The following FAT3 variants were observed in gnomAD, a reference collection of about 807,000 sequenced individuals.
The protein encoded by FAT3 is protocadherin Fat 3.
A neutral mutation model predicts 310.2 loss-of-function variants in FAT3; 95 were observed. The observed-to-expected ratio is 0.31, with a 90% CI of 0.26 to 0.36. The LOEUF (loss-of-function observed/expected upper bound fraction) is 0.36, where lower values mean the gene tolerates loss of function less well. FAT3 is among the 10% of genes least tolerant of loss of function. The probability of loss-of-function intolerance (pLI) is 1.00; values close to 1 mark genes in which losing one functional copy is unlikely to be tolerated. For missense variants in FAT3, 5,408 were observed against 5,715.6 expected (o/e 0.95, Z 1.74); for synonymous variants, 2,314 against 2,192.9 (o/e 1.06, Z -1.54).
At chr11:92,682,103 G>A (rs1324052083) in intron 3 of FAT3, among the ~76,000 whole-genome samples, 1 of 152,178 alleles carries the variant, frequency 6.6e-6, no homozygotes, top group Non-Finnish European at 1.5e-5. Flanking sequence ...GACAACTTGA[G>A]TTTCAAATCT....
chr11:92,603,029 G>C (rs1353817186), intron 3 of FAT3, among the ~76,000 whole-genome samples: 2 of 152,168 alleles, frequency 1.3e-5, no homozygotes, highest in African/African-American at 4.8e-5. Flanking sequence ...ATTACTTTCA[G>C]TATGCATACT....
At chr11:92,633,558 T>C (rs1941641014) in intron 3 of FAT3, among the ~76,000 whole-genome samples, 2 of 152,268 alleles carry the variant, frequency 1.3e-5, no homozygotes, top group East Asian at 3.9e-4. Context: ...TTCAGAGGAC[T>C]GACACGGGGA....
chr11:92,404,030 G>A (rs1005464272), intron 2 of FAT3, among the ~76,000 whole-genome samples: 5 of 151,390 alleles, frequency 3.3e-5, no homozygotes, highest in African/African-American at 1.2e-4. Flanking sequence ...ACAAGAGTCC[G>A]TCAAGAAAAA....
chr11:92,827,296 C>T (rs1461913211), intron 13 of FAT3, among the ~76,000 whole-genome samples: 1 of 152,194 alleles, frequency 6.6e-6, no homozygotes, highest in Non-Finnish European at 1.5e-5. Context: ...TTTGTTGATT[C>T]TGGCCCACTT....
chr11:92,848,074 G>A (rs905380185), intron 19 of FAT3, among the ~76,000 whole-genome samples: 1 of 152,072 alleles, frequency 6.6e-6, no homozygotes, highest in Admixed American at 6.5e-5. Context: ...GATAAATAGA[G>A]GTAACTGTCC....
intron 4 of FAT3, among the ~76,000 whole-genome samples, chr11:92,727,933 T>G (rs1404154611): frequency 1.3e-5 from 2 of 152,202 alleles, no homozygotes; most frequent in South Asian, 2.1e-4. Context: ...TTCTTACACT[T>G]CTTTGTTGCT....
rs771982886 is a variant in FAT3 at position 92,483,906 on chromosome 11, A to G, written c.3293-40728A>G. 9.0e-4 allele frequency among the ~76,000 whole-genome samples: 137 copies of G among 152,338 alleles called. No individual in the cohort carries two copies. The Middle Eastern group carries it at 0.01, about 11-fold the overall frequency. On this transcript the variant is annotated intron_variant, in intron 2 of 27. Transcript: ENST00000525166. ...CTTGCTCAGTCACTGGTAGAACTCA[A>G]GTTGCAATTACCAGGTCTGCCATAA...
At chr11:92,464,646 T>C (rs755304066) in intron 2 of FAT3, among the ~76,000 whole-genome samples, 13 of 152,190 alleles carry the variant, frequency 8.5e-5, no homozygotes, top group Non-Finnish European at 1.6e-4. Context: ...ATTAACTAGT[T>C]ATGCCAAAGT....
intron 12 of FAT3, among the ~76,000 whole-genome samples, chr11:92,808,858 A>C (rs1187657051): frequency 6.6e-6 from 1 of 152,056 alleles, no homozygotes; most frequent in Non-Finnish European, 1.5e-5. Context: ...CCCAGGAGGC[A>C]GAGCTTGCAG....
intron 2 of FAT3, among the ~76,000 whole-genome samples, chr11:92,446,573 C>T (rs147298173): frequency 6.6e-6 from 1 of 152,054 alleles, no homozygotes; most frequent in African/African-American, 2.4e-5. Context: ...AAAACCACAA[C>T]TTATGAAATA....
intron 3 of FAT3, among the ~76,000 whole-genome samples, chr11:92,684,144 A>C (rs569865648): frequency 1.3e-5 from 2 of 152,346 alleles, no homozygotes; most frequent in East Asian, 3.9e-4. Context: ...GTGCGAACAA[A>C]GAAGATGAAA....
chr11:92,354,649 T>A lies in FAT3; in HGVS notation c.2537T>A (p.Ile846Asn), dbSNP rs781399396. The change falls in exon 2 of 28, where the codon ATT (isoleucine) becomes AAT (asparagine). Residue 846 changes from isoleucine to asparagine, a missense_variant. Physicochemically the swap from Ile to Asn is moderately radical, Grantham distance 149. Coordinates refer to ENST00000525166, the MANE Select transcript of FAT3 (RefSeq NM_001367949.2). Reference sequence around the variant, plus strand: ...GTTAACATTCTTGAAAGTTCAGGCATTGGTACTGAAATCATTCAAGTGGAA... The same window carrying A: ...GTTAACATTCTTGAAAGTTCAGGCAATGGTACTGAAATCATTCAAGTGGAA... ...YSVNILESSG[I>N]GTEIIQVEAR... The A allele has an allele frequency of 4.3e-6, 7 of 1,613,816 alleles. No homozygotes were observed. Among genetic ancestry groups the A allele is most frequent in the Non-Finnish European group, 5.1e-6 (6 of 1,179,856 alleles).
chr11:92,339,198 G>T (rs1000694), intron 1 of FAT3, among the ~76,000 whole-genome samples: 1,917 of 152,182 alleles, frequency 0.013, 35 homozygotes, highest in African/African-American at 0.045. Context: ...GGCTGTCCTG[G>T]GTAGGACATT....
At chr11:92,226,672 C>A (rs1252697487) in intron 1 of FAT3, among the ~76,000 whole-genome samples, 1 of 151,924 alleles carries the variant, frequency 6.6e-6, no homozygotes, top group Admixed American at 6.5e-5. Flanking sequence ...GGAGGGGCTC[C>A]CGGGAGGGAG....
At chr11:92,889,311 G>C in intron 26 of FAT3, 63 bp downstream of exon 26, 2 of 652,506 alleles carry the variant, frequency 3.1e-6, no homozygotes, top group South Asian at 3.5e-5. Context: ...CTTTGGACTA[G>C]GAGTGATTTT....
chr11:92,452,603 G>A (rs1420077585), intron 2 of FAT3, among the ~76,000 whole-genome samples: 1 of 152,042 alleles, frequency 6.6e-6, no homozygotes, highest in Non-Finnish European at 1.5e-5. Context: ...TACCCTATAG[G>A]GATGGTGCTA....
intron 3 of FAT3, among the ~76,000 whole-genome samples, chr11:92,694,957 A>G (rs894549651): frequency 6.6e-6 from 1 of 152,150 alleles, no homozygotes; most frequent in African/African-American, 2.4e-5. Context: ...AAGGTGTCAG[A>G]TATGTGTGTT....
chr11:92,822,011 A>C lies in FAT3; in HGVS notation c.9482-9611A>C, dbSNP rs1947980251. Among the ~76,000 whole-genome samples, 10 of 152,292 alleles carry C rather than the reference A, an allele frequency of 6.6e-5. 1 individual carries two copies. The South Asian group carries it at 2.1e-3, about 32-fold the overall frequency. On this transcript the variant is annotated intron_variant, in intron 13 of 27. Coordinates refer to ENST00000525166, the MANE Select transcript of FAT3 (RefSeq NM_001367949.2). The stretch of plus-strand genomic sequence containing the variant: ...TTTAGAAAGTCTGGGAGAGAGCTGG[A>C]CATTTTTTTTTTCTCTGCAGTTGAT...
chr11:92,737,947 G>A (rs1945400696), intron 4 of FAT3, among the ~76,000 whole-genome samples: 1 of 152,044 alleles, frequency 6.6e-6, no homozygotes, highest in African/African-American at 2.4e-5. Flanking sequence ...AACAAATACA[G>A]CTACCGATTT....
Sources: gnomAD v4.1 joint callset for allele counts (sites outside exome capture counted in the v4.1 genomes callset) on GRCh38, gnomAD v4.1.1 for gene constraint, MANE v1.5 for transcripts, NCBI Gene and HGNC (gene_info 2026-07-23, HGNC 2026-07-21) for gene names.